Variants in MAPT observed in about 807,000 individuals in gnomAD.
MAPT encodes the protein microtubule-associated protein tau.
A neutral mutation model predicts 67.9 loss-of-function variants in MAPT; 34 were observed. The observed-to-expected ratio is 0.50, with a 90% CI of 0.38 to 0.67. The LOEUF (loss-of-function observed/expected upper bound fraction) is 0.67, where lower values mean the gene tolerates loss of function less well. Ranked by LOEUF, MAPT falls within the 30% of genes least tolerant of loss-of-function variation. The pLI is 0.00. For synonymous variants in MAPT, 456 were observed against 464.5 expected (o/e 0.98, Z 0.23); for missense variants, 881 against 1,115.2 (o/e 0.79, Z 2.99).
intron 1 of MAPT, chr17:45,908,400 A>C (rs1297231234): frequency 6.6e-6 from 1 of 152,190 alleles, no homozygotes; most frequent in Non-Finnish European, 1.5e-5. Context: ...GGAGAAATTT[A>C]ATTAAAAGTG....
rs143007445 is a variant in MAPT, at chr17:45,972,199, A to G, written c.220+254A>G. On this transcript the variant is annotated intron_variant, in intron 3 of 12. Coordinates refer to ENST00000262410, the MANE Select transcript of MAPT (RefSeq NM_001377265.1). Reference sequence around the variant, plus strand: ...GGACAGTCCCGCGCACAGCTCCACAAAGCCCCGCTCCATACGATTGTCCTC... The same window carrying G: ...GGACAGTCCCGCGCACAGCTCCACAGAGCCCCGCTCCATACGATTGTCCTC... The G allele has an allele frequency of 6.1e-6, 4 of 659,654 alleles. No individual in the cohort carries two copies. The East Asian group carries it at 1.2e-4, about 20-fold the overall frequency. 40.9% of individuals were successfully genotyped at this position (659,654 alleles called of 1,614,324 possible).
chr17:45,958,869 C>T (rs2070049835), intron 1 of MAPT, among the ~76,000 whole-genome samples: 1 of 152,116 alleles, frequency 6.6e-6, no homozygotes, highest in Non-Finnish European at 1.5e-5. Context: ...TCTAGACCAG[C>T]TTGGCCAACA....
intron 1 of MAPT, among the ~76,000 whole-genome samples, chr17:45,944,594 G>C (rs62062775): frequency 4.6e-5 from 7 of 152,116 alleles, no homozygotes; most frequent in African/African-American, 1.7e-4. Context: ...GGCCCGGGTC[G>C]GGGTACAGGG....
chr17:45,896,132 T>G lies in MAPT; in HGVS notation c.-18+1446T>G, dbSNP rs4792891. On this transcript the variant is annotated intron_variant, in intron 1 of 12. Coordinates refer to ENST00000262410, the MANE Select transcript of MAPT (RefSeq NM_001377265.1). The surrounding 1 kb of genome is among the most constrained non-coding windows in gnomAD (Gnocchi z 5.6). ...TTGTTGGATCTCGAGGCTTGCTGGG[T>G]TCGATGAACTCGAGTCAACCCCCCG... 0.3 allele frequency: 45,218 copies of G among 152,004 alleles called. 7,196 individuals are homozygous for G. The highest frequency in any genetic ancestry group is 0.36 in the Middle Eastern group (106 of 294). The allele number at this position is 152,004 out of a possible 1,614,324, so 9.4% of individuals were successfully genotyped here.
Position 46,026,229 on chromosome 17 carries a change from T to C in MAPT, c.*2058T>C, listed in dbSNP as rs1029895305. Reference sequence around the variant, plus strand: ...GCCACCCTGCTGGGGCCTCCCAAGTTTTGAAAGGCTTTCCTCAGCACCTGG... The same window carrying C: ...GCCACCCTGCTGGGGCCTCCCAAGTCTTGAAAGGCTTTCCTCAGCACCTGG... On this transcript the variant is annotated 3_prime_UTR_variant, in exon 13 of 13. Coordinates refer to ENST00000262410, the MANE Select transcript of MAPT (RefSeq NM_001377265.1). The C allele has an allele frequency of 9.2e-5, 14 of 152,638 alleles. No individual in the cohort carries two copies. The highest frequency in any genetic ancestry group is 1.8e-4 in the Non-Finnish European group (12 of 68,088). 9.5% of individuals were successfully genotyped at this position (152,638 alleles called of 1,614,324 possible). A position where few individuals can be genotyped will look rare whatever the true frequency, so the allele number is the denominator to read the frequency against.
intron 1 of MAPT, among the ~76,000 whole-genome samples, chr17:45,956,575 TATATATATATATATATATATATATA>T (rs1454063061): frequency 0.051 from 245 of 4,762 alleles, 6 homozygotes; most frequent in Non-Finnish European, 0.21. Flanking sequence ...TATATATATA[TATATATATATATATATATATATATA>T]TTTTTTATTA....
In MAPT at chr17:45,896,966, C is replaced by T. The variant is rs888541147; in HGVS notation, c.-18+2280C>T. On this transcript the variant is annotated intron_variant, in intron 1 of 12. Coordinates refer to ENST00000262410, the MANE Select transcript of MAPT (RefSeq NM_001377265.1). This position sits in a 1 kb window ranked among gnomAD's most constrained non-coding sequence, Gnocchi z 5.6. ...CGGAAGAGCATCTAGGAGCTGAATC[C>T]TCCACGCGGGTCGCCCAGGTTGATC... is the stretch of plus-strand genomic sequence containing the variant. 3 of 147,380 alleles carry T rather than the reference C, an allele frequency of 2.0e-5. No individual in the cohort carries two copies. Among genetic ancestry groups the T allele is most frequent in the African/African-American group, 7.3e-5 (3 of 41,260 alleles). 9.1% of individuals were successfully genotyped at this position (147,380 alleles called of 1,614,324 possible). A position where few individuals can be genotyped will look rare whatever the true frequency, so the allele number is the denominator to read the frequency against.
At position 46,010,469 on chromosome 17, in the gene MAPT, G is replaced by C. The variant is rs567911073; in HGVS notation, c.2091+67G>C. The C allele has an allele frequency of 5.8e-5, 63 of 1,092,168 alleles. 1 individual carries two copies. In the South Asian group the frequency reaches 7.9e-4, roughly 14 times the overall value. 67.7% of individuals were successfully genotyped at this position (1,092,168 alleles called of 1,614,324 possible). A position where few individuals can be genotyped will look rare whatever the true frequency, so the allele number is the denominator to read the frequency against. On this transcript the variant is annotated intron_variant, in intron 10 of 12. Coordinates refer to ENST00000262410, the MANE Select transcript of MAPT (RefSeq NM_001377265.1). This position sits in a 1 kb window ranked among gnomAD's most constrained non-coding sequence, Gnocchi z 4.7. ...AATTATTAGGAAGTGGTGTGAGTGCGTACACTTGCGAGACACTGCATAGAA... is the reference window on the plus strand; with the variant it reads ...AATTATTAGGAAGTGGTGTGAGTGCCTACACTTGCGAGACACTGCATAGAA...
chr17:45,984,225 C>T (rs976393009), intron 5 of MAPT, among the ~76,000 whole-genome samples: 10 of 150,254 alleles, frequency 6.7e-5, no homozygotes, highest in African/African-American at 2.4e-4. Context: ...CCACAACGGC[C>T]CATCAGCCCA....
intron 10 of MAPT, among the ~76,000 whole-genome samples, chr17:46,011,873 G>C (rs2075839549): frequency 6.6e-6 from 1 of 152,174 alleles, no homozygotes; most frequent in African/African-American, 2.4e-5. Context: ...GGCCCCTTGA[G>C]TCCCACAGGT....
chr17:45,945,874 G>A (rs56870872), intron 1 of MAPT, among the ~76,000 whole-genome samples: 7 of 152,160 alleles, frequency 4.6e-5, no homozygotes, highest in Non-Finnish European at 7.3e-5. Flanking sequence ...GAATAAAGTA[G>A]GCTGCAGAAC....
At chr17:46,000,825 G>C (rs947714684) in intron 9 of MAPT, among the ~76,000 whole-genome samples, 7 of 152,232 alleles carry the variant, frequency 4.6e-5, no homozygotes, top group African/African-American at 1.7e-4. Context: ...CTCAGACCCA[G>C]CCAGGCCAGC....
At chr17:45,950,367 G>A (rs1171852644) in intron 1 of MAPT, among the ~76,000 whole-genome samples, 2 of 152,194 alleles carry the variant, frequency 1.3e-5, no homozygotes, top group Non-Finnish European at 2.9e-5. Flanking sequence ...AAGCTGCACA[G>A]AAGATGTGAA....
At chr17:45,899,775 C>T (rs148670782) in intron 1 of MAPT, among the ~76,000 whole-genome samples, 44 of 152,260 alleles carry the variant, frequency 2.9e-4, no homozygotes, top group African/African-American at 8.4e-4. Flanking sequence ...TATCTGGCCC[C>T]GACACAGAGA....
At chr17:45,994,548 C>A (rs948146854) in intron 8 of MAPT, among the ~76,000 whole-genome samples, 3 of 152,170 alleles carry the variant, frequency 2.0e-5, no homozygotes, top group African/African-American at 7.2e-5. Flanking sequence ...ATCCGCAGGG[C>A]ACGGTGGCTC....
At chr17:45,941,672 C>T (rs1212563764) in intron 1 of MAPT, among the ~76,000 whole-genome samples, 286 of 21,296 alleles carry the variant, frequency 0.013, 13 homozygotes, top group East Asian at 0.055. Context: ...CCCCCCTTCC[C>T]CCCTTCCCTC....
intron 1 of MAPT, among the ~76,000 whole-genome samples, chr17:45,916,962 C>T (rs2065253394): frequency 2.0e-5 from 3 of 152,218 alleles, no homozygotes; most frequent in Admixed American, 6.5e-5. Flanking sequence ...CAGACTCACC[C>T]GGCCAGAGGT....
At chr17:45,901,957 G>T (rs541705728) in intron 1 of MAPT, among the ~76,000 whole-genome samples, 53 of 148,150 alleles carry the variant, frequency 3.6e-4, no homozygotes, top group African/African-American at 1.0e-3. Context: ...CCATTTGATA[G>T]TAAATATTAC....
chr17:45,895,284 C>T (rs2063105208), intron 1 of MAPT: 1 of 152,262 alleles, frequency 6.6e-6, no homozygotes, highest in African/African-American at 2.4e-5. Flanking sequence ...GGCCGGCCCC[C>T]TCCCCTTTTC....
Sources: gnomAD v4.1 joint callset for allele counts (sites outside exome capture counted in the v4.1 genomes callset) on GRCh38, gnomAD v4.1.1 for gene constraint, Gnocchi (gnomAD v3.1) non-coding constraint, MANE v1.5 for transcripts, NCBI Gene and HGNC (gene_info 2026-07-23, HGNC 2026-07-21) for gene names.